IL1RAPL2: variants seen among roughly 807,000 people sequenced by gnomAD.
IL1RAPL2 encodes the protein X-linked interleukin-1 receptor accessory protein-like 2.
A neutral mutation model predicts 44.1 loss-of-function variants in IL1RAPL2; 3 were observed. The observed-to-expected ratio is 0.07, with a 90% CI of 0.03 to 0.18. The LOEUF is 0.18. Ranked by LOEUF, IL1RAPL2 falls within the 10% of genes least tolerant of loss-of-function variation. IL1RAPL2 has a pLI of 1.00. For missense variants in IL1RAPL2, 391 were observed against 496.4 expected (o/e 0.79, Z 2.02); for synonymous variants, 181 against 178.8 (o/e 1.01, Z -0.10).
chrX:104,674,722 G>C (rs1342816779), intron 2 of IL1RAPL2, among the ~76,000 whole-genome samples: 1 of 109,513 alleles, frequency 9.1e-6, no homozygotes, highest in African/African-American at 3.3e-5. Flanking sequence ...GAATCCATCT[G>C]GTCCTGGACT....
intron 4 of IL1RAPL2, among the ~76,000 whole-genome samples, chrX:105,257,375 G>A (rs1343581998): frequency 3.6e-5 from 4 of 112,029 alleles, no homozygotes; most frequent in Middle Eastern, 4.3e-3. Flanking sequence ...TGGCTTTAGA[G>A]TATGTGCCAT....
At chrX:105,521,519 G>A (rs2036558403) in intron 6 of IL1RAPL2, among the ~76,000 whole-genome samples, 1 of 111,574 alleles carries the variant, frequency 9.0e-6, no homozygotes, top group Non-Finnish European at 1.9e-5. Context: ...ACTTGTCTTG[G>A]TGATTGATAT....
At chrX:105,228,893 C>A (rs1309491005) in intron 3 of IL1RAPL2, among the ~76,000 whole-genome samples, 1 of 111,943 alleles carries the variant, frequency 8.9e-6, no homozygotes, top group Non-Finnish European at 1.9e-5. Context: ...GGATACTTAC[C>A]CTGCCCATTT....
At chrX:105,728,213 C>T (rs1001265172) in intron 7 of IL1RAPL2, among the ~76,000 whole-genome samples, 26 of 111,506 alleles carry the variant, frequency 2.3e-4, no homozygotes, top group African/African-American at 7.8e-4. Context: ...CTCCTGGCAA[C>T]TCCTTATCTT....
intron 6 of IL1RAPL2, among the ~76,000 whole-genome samples, chrX:105,608,937 A>G (rs1374247862): frequency 9.0e-6 from 1 of 111,075 alleles, no homozygotes; most frequent in African/African-American, 3.3e-5. Flanking sequence ...CACGGTGGCA[A>G]CTTCCGGAAA....
chrX:104,623,468 AC>A (rs1929438311), intron 1 of IL1RAPL2, among the ~76,000 whole-genome samples: 1 of 111,035 alleles, frequency 9.0e-6, no homozygotes, highest in Non-Finnish European at 1.9e-5. Context: ...GTGTTGAATG[AC>A]ATAACATTGG....
intron 6 of IL1RAPL2, among the ~76,000 whole-genome samples, chrX:105,503,422 G>A (rs1189529005): frequency 9.0e-6 from 1 of 111,466 alleles, no homozygotes; most frequent in African/African-American, 3.3e-5. Context: ...AATGCGCTTT[G>A]GTCTTGGTAG....
At chrX:104,743,214 T>C (rs1056819341) in intron 2 of IL1RAPL2, among the ~76,000 whole-genome samples, 27 of 111,165 alleles carry the variant, frequency 2.4e-4, no homozygotes, top group African/African-American at 8.5e-4. Flanking sequence ...TTCTTAAATA[T>C]ACAGTAATAT....
chrX:104,674,000 T>C (rs1930681819), intron 2 of IL1RAPL2, among the ~76,000 whole-genome samples: 1 of 111,587 alleles, frequency 9.0e-6, no homozygotes, highest in Admixed American at 9.5e-5. Context: ...GATTTTGGGC[T>C]GAGACAGTGG....
chrX:104,735,284 C>G (rs1034722554), intron 2 of IL1RAPL2, among the ~76,000 whole-genome samples: 1 of 111,476 alleles, frequency 9.0e-6, no homozygotes, highest in East Asian at 2.8e-4. Flanking sequence ...GAACCTTGAT[C>G]AGTTCTTGAA....
intron 2 of IL1RAPL2, among the ~76,000 whole-genome samples, chrX:105,188,954 C>G (rs1655075127): frequency 8.9e-6 from 1 of 111,980 alleles, no homozygotes; most frequent in Non-Finnish European, 1.9e-5. Context: ...GGGGCACAGG[C>G]CACTCACATT....
At chrX:105,724,977 G>A (rs1395855076) in intron 7 of IL1RAPL2, among the ~76,000 whole-genome samples, 1 of 111,554 alleles carries the variant, frequency 9.0e-6, no homozygotes, top group Non-Finnish European at 1.9e-5. Context: ...AATCTTACAA[G>A]AGGCTTGAGA....
chrX:105,523,782 G>A (rs2036576494), intron 6 of IL1RAPL2, among the ~76,000 whole-genome samples: 1 of 108,087 alleles, frequency 9.3e-6, no homozygotes, highest in Admixed American at 9.8e-5. Context: ...AGTTTTCAAT[G>A]AAGCCATAAA....
intron 2 of IL1RAPL2, among the ~76,000 whole-genome samples, chrX:105,024,979 G>C (rs754140878): frequency 9.2e-6 from 1 of 108,554 alleles, no homozygotes; most frequent in Non-Finnish European, 1.9e-5. Flanking sequence ...AGCAAGTCAG[G>C]CTTTGTCTTT....
intron 2 of IL1RAPL2, among the ~76,000 whole-genome samples, chrX:104,668,492 A>G (rs1405890277): frequency 1.3e-5 from 1 of 74,635 alleles, no homozygotes; most frequent in African/African-American, 5.1e-5. Flanking sequence ...CCACCGCACA[A>G]CAGTCCCCAG....
At chrX:105,727,739 T>C (rs2038363899) in intron 7 of IL1RAPL2, among the ~76,000 whole-genome samples, 1 of 111,962 alleles carries the variant, frequency 8.9e-6, no homozygotes, top group Non-Finnish European at 1.9e-5. Flanking sequence ...TAATGCACAG[T>C]AGTTTGAGAC....
chrX:105,029,321 T>C (rs1417381018), intron 2 of IL1RAPL2, among the ~76,000 whole-genome samples: 3 of 106,228 alleles, frequency 2.8e-5, no homozygotes, highest in East Asian at 3.0e-4. Flanking sequence ...TACATATGTA[T>C]ACATGTGCCA....
At chrX:104,854,137 G>A (rs1294588511) in intron 2 of IL1RAPL2, among the ~76,000 whole-genome samples, 5 of 111,571 alleles carry the variant, frequency 4.5e-5, no homozygotes, top group Non-Finnish European at 9.4e-5. Flanking sequence ...TGGATTAATT[G>A]ACTTTAAGAT....
At chrX:104,713,951 T>C (rs1054341805) in intron 2 of IL1RAPL2, among the ~76,000 whole-genome samples, 1 of 111,115 alleles carries the variant, frequency 9.0e-6, no homozygotes, top group East Asian at 2.8e-4. Flanking sequence ...GAGAGGAGAA[T>C]TTTTGATATA....
Sources: gnomAD v4.1 joint callset for allele counts (sites outside exome capture counted in the v4.1 genomes callset) on GRCh38, gnomAD v4.1.1 for gene constraint, MANE v1.5 for transcripts, NCBI Gene and HGNC (gene_info 2026-07-23, HGNC 2026-07-21) for gene names.